The following FXR1 variants were observed in gnomAD, a reference collection of about 807,000 sequenced individuals.
The protein encoded by FXR1 is FMR1 autosomal homolog 1, also known as RNA-binding protein FXR1.
FXR1 carries 15 observed loss-of-function variants against 84.0 expected under a neutral mutation model. The ratio of observed to expected loss-of-function variants is 0.18; its 90% CI spans 0.12 to 0.27. The LOEUF is 0.27. Among genes scored for constraint, FXR1 ranks in the 10% least tolerant of loss-of-function variants. The pLI, the probability that FXR1 is intolerant of heterozygous loss-of-function variation, is 1.00. For synonymous variants in FXR1, 245 were observed against 250.7 expected, an observed-to-expected ratio of 0.98 and a Z score of 0.21; for missense variants, 480 against 774.4, an observed-to-expected ratio of 0.62 and a Z score of 4.51.
intron 16 of FXR1, 137 bp downstream of exon 16, chr3:180,975,541 T>C (rs1714131395): frequency 4.3e-6 from 2 of 461,594 alleles, no homozygotes; most frequent in South Asian, 8.7e-5. Flanking sequence ...GACTCTTGAA[T>C]ATGTTCTTGG....
intron 3 of FXR1, among the ~76,000 whole-genome samples, chr3:180,942,117 A>T (rs13071004): frequency 6.6e-6 from 1 of 151,876 alleles, no homozygotes; most frequent in East Asian, 1.9e-4. Flanking sequence ...AGTGGCTCAC[A>T]CCTGTAATCC....
At chr3:180,956,335 T>C (rs1390925758) in intron 9 of FXR1, among the ~76,000 whole-genome samples, 1 of 152,226 alleles carries the variant, frequency 6.6e-6, no homozygotes, top group Non-Finnish European at 1.5e-5. Context: ...ACAGGTCTAC[T>C]TCAGTTTGTC....
At position 180,976,233 on chromosome 3, in the gene FXR1, AT is replaced by A. The variant is rs1560029448; in HGVS notation, c.1809del (p.Asn604IlefsTer3). On this transcript the variant is annotated frameshift_variant, in exon 17 of 17. Coordinates refer to ENST00000357559, the MANE Select transcript of FXR1 (RefSeq NM_005087.4). LOFTEE classifies it high-confidence loss of function. The stretch of plus-strand genomic sequence containing the variant: ...ACAGCGTACTCCAGGAGAAGAAAAG[AT>A]TAATACCTTAAAAGAAGAAAACACT... ...KLQRTPGEEK[I>X]NTLKEENTQE... 6.2e-7 allele frequency: 1 copy of A among 1,612,604 alleles called. No individual in the cohort carries two copies. Among genetic ancestry groups the A allele is most frequent in the Non-Finnish European group, 8.5e-7 (1 of 1,178,812 alleles).
chr3:180,971,939 T>C (rs1713640111), intron 15 of FXR1: 1 of 152,448 alleles, frequency 6.6e-6, no homozygotes, highest in Non-Finnish European at 1.5e-5. Flanking sequence ...TTCTTTCATG[T>C]GTTTTCCCCA....
chr3:180,958,064 T>G, intron 10 of FXR1, 136 bp downstream of exon 10: 1 of 456,166 alleles, frequency 2.2e-6, no homozygotes, highest in Non-Finnish European at 4.0e-6. Flanking sequence ...ATAATATTAT[T>G]TCATACACTT....
chr3:180,950,363 C>G (rs753277848), intron 7 of FXR1, among the ~76,000 whole-genome samples: 6 of 152,112 alleles, frequency 3.9e-5, no homozygotes, highest in Non-Finnish European at 7.4e-5. Context: ...ATGAATAAAA[C>G]AGTTTCTTTT....
chr3:180,966,666 A>G (rs1283344344), intron 13 of FXR1, among the ~76,000 whole-genome samples: 2 of 152,172 alleles, frequency 1.3e-5, no homozygotes, highest in Admixed American at 6.5e-5. Flanking sequence ...TCATAGACCA[A>G]TTTTGAAGTA....
At chr3:180,930,870 A>G (rs1382053506) in intron 1 of FXR1, among the ~76,000 whole-genome samples, 1 of 151,784 alleles carries the variant, frequency 6.6e-6, no homozygotes, top group Non-Finnish European at 1.5e-5. Flanking sequence ...CTCTGTCTCT[A>G]CTAAAAATAC....
At chr3:180,915,307 A>G (rs1717751896) in intron 1 of FXR1, 7 of 538,768 alleles carry the variant, frequency 1.3e-5, no homozygotes, top group Admixed American at 1.1e-4. Flanking sequence ...ATCAAGATTC[A>G]TAGCCCCCAA....
chr3:180,920,349 A>G (rs1020259972), intron 1 of FXR1, among the ~76,000 whole-genome samples: 1 of 152,148 alleles, frequency 6.6e-6, no homozygotes, highest in Non-Finnish European at 1.5e-5. Context: ...AGTAACTGCT[A>G]ACTTCATCAT....
intron 15 of FXR1, 172 bp downstream of exon 15, chr3:180,970,530 ATCTT>A (rs1713437118): frequency 5.5e-6 from 1 of 182,166 alleles, no homozygotes; most frequent in African/African-American, 2.4e-5. Context: ...CTTTTTGTCT[ATCTT>A]AAATGTTTAG....
chr3:180,969,015 T>G (rs1294969377), intron 14 of FXR1, among the ~76,000 whole-genome samples: 2 of 152,186 alleles, frequency 1.3e-5, no homozygotes, highest in African/African-American at 4.8e-5. Flanking sequence ...CCATGAAAAC[T>G]TATGTAGTAT....
chr3:180,939,739 T>C (rs1720923687), intron 3 of FXR1, among the ~76,000 whole-genome samples: 1 of 152,234 alleles, frequency 6.6e-6, no homozygotes, highest in African/African-American at 2.4e-5. Context: ...TTTTTGTTTT[T>C]CCAAATGTAT....
At chr3:180,968,400 A>C in intron 14 of FXR1, 146 bp downstream of exon 14, 1 of 619,188 alleles carries the variant, frequency 1.6e-6, no homozygotes, top group Non-Finnish European at 2.9e-6. Flanking sequence ...ATATAGCAGT[A>C]TCAGGAAAAG....
In FXR1 at chr3:180,935,098, A is replaced by T. The variant is rs540785567; in HGVS notation, c.105-40A>T. On this transcript the variant is annotated intron_variant, in intron 2 of 16. Coordinates refer to ENST00000357559, the MANE Select transcript of FXR1 (RefSeq NM_005087.4). Reference sequence around the variant, plus strand: ...ATATGCAACACCAGGCGTAGACTATATATTTTTAAGTTGTTAATACACCTT... The same window carrying T: ...ATATGCAACACCAGGCGTAGACTATTTATTTTTAAGTTGTTAATACACCTT... 1.2e-5 allele frequency: 11 copies of T among 924,894 alleles called. No homozygotes were observed. In the South Asian group the frequency reaches 1.5e-4, roughly 13 times the overall value. 57.3% of individuals were successfully genotyped at this position (924,894 alleles called of 1,614,324 possible).
At chr3:180,970,392 A>ATATATATATATATG (rs1553778975) in intron 15 of FXR1, 34 bp downstream of exon 15, 2 of 262,612 alleles carry the variant, frequency 7.6e-6, no homozygotes, top group South Asian at 2.1e-4. Context: ...AAATATATAT[A>ATATATATATATATG]TATATATATA....
chr3:180,932,280 T>C (rs1720029721), intron 1 of FXR1, among the ~76,000 whole-genome samples: 1 of 152,110 alleles, frequency 6.6e-6, no homozygotes, highest in South Asian at 2.1e-4. Flanking sequence ...GCCTTGGACA[T>C]TATGGAGTCT....
rs1299460870 is a variant in FXR1, at chr3:180,978,923, C to T, written c.*2631C>T. 3.3e-5 allele frequency: 5 copies of T among 152,020 alleles called. No individual in the cohort carries two copies. Among genetic ancestry groups the T allele is most frequent in the Non-Finnish European group, 7.4e-5 (5 of 67,960 alleles). 9.4% of individuals were successfully genotyped at this position (152,020 alleles called of 1,614,324 possible). ...GCCTTAAAGGGGGCTACAACTTGTG[C>T]AAAATGGTGTCTCTGGTAACACTTC... On this transcript the variant is annotated 3_prime_UTR_variant, in exon 17 of 17. Coordinates refer to ENST00000357559, the MANE Select transcript of FXR1 (RefSeq NM_005087.4).
rs1313758655 is a variant in FXR1 at position 180,961,360 on chromosome 3, AAAAAAAAG to A, written c.991-107_991-100del. On this transcript the variant is annotated intron_variant, in intron 10 of 16. Transcript: ENST00000357559. ...ATCTCAAAAAAAAAAAAAAAAAAAA[AAAAAAAAG>A]GTGTGTGTGTGTGTGCCTGCCTGTC... is the stretch of plus-strand genomic sequence containing the variant. 8.2e-4 allele frequency: 346 copies of A among 423,108 alleles called. 7 individuals carry two copies. In the African/African-American group the frequency reaches 8.4e-3, roughly 10 times the overall value. The allele number at this position is 423,108 out of a possible 1,614,324, so 26.2% of individuals were successfully genotyped here. A position where few individuals can be genotyped will look rare whatever the true frequency, so the allele number is the denominator to read the frequency against.
Sources: allele counts gnomAD v4.1 joint callset (sites outside exome capture counted in the v4.1 genomes callset), GRCh38; gene constraint gnomAD v4.1.1; transcripts MANE v1.5; gene names NCBI Gene and HGNC (gene_info 2026-07-23, HGNC 2026-07-21).